Variants in ZNF438 observed in about 807,000 individuals in gnomAD.
ZNF438 encodes the protein zinc finger protein 438.
Under a neutral mutation model 38.0 loss-of-function variants are expected in ZNF438, and 25 were observed. The observed-to-expected ratio is 0.66, with a 90% CI of 0.48 to 0.92. ZNF438 has a LOEUF of 0.92. ZNF438 is among the 40% of genes least tolerant of loss of function. ZNF438 has a pLI of 0.00. For synonymous variants in ZNF438, 372 were observed against 364.1 expected, an observed-to-expected ratio of 1.02 and a Z score of -0.25; for missense variants, 1,007 against 999.6, an observed-to-expected ratio of 1.01 and a Z score of -0.10.
chr10:31,000,534 C>T (rs1245266968), intron 1 of ZNF438, among the ~76,000 whole-genome samples: 4 of 152,204 alleles, frequency 2.6e-5, no homozygotes, highest in Admixed American at 2.6e-4. Context: ...TTTCTGTTAT[C>T]ATGGCCCTGA....
chr10:30,921,425 A>G (rs2044286022), intron 2 of ZNF438, among the ~76,000 whole-genome samples: 1 of 152,116 alleles, frequency 6.6e-6, no homozygotes, highest in African/African-American at 2.4e-5. Flanking sequence ...CCTTTTCTTA[A>G]AAGTCTTTTA....
chr10:30,848,882 C>T, exon 5 of ZNF438: 1 of 1,614,246 alleles, frequency 6.2e-7, no homozygotes, highest in Non-Finnish European at 8.5e-7. Context: ...GACGTGACAT[C>T]TGTGCCAAGG....
intron 1 of ZNF438, among the ~76,000 whole-genome samples, chr10:31,003,232 C>T (rs1243639946): frequency 1.3e-5 from 2 of 152,098 alleles, no homozygotes; most frequent in African/African-American, 4.8e-5. Flanking sequence ...GCCTTCCAGC[C>T]CAAGATGATG....
intron 3 of ZNF438, among the ~76,000 whole-genome samples, chr10:30,883,713 A>G (rs929396599): frequency 2.0e-5 from 3 of 152,096 alleles, no homozygotes; most frequent in African/African-American, 7.2e-5. Flanking sequence ...TACAAAAAAT[A>G]CAAAAAACCC....
At chr10:30,869,537 C>G (rs1490395386) in intron 4 of ZNF438, among the ~76,000 whole-genome samples, 1 of 152,148 alleles carries the variant, frequency 6.6e-6, no homozygotes, top group Non-Finnish European at 1.5e-5. Context: ...TTAGGCCACC[C>G]AGGTCATTTC....
rs185911933 is a variant in ZNF438, at chr10:30,948,204, G to A, written c.-191-6553C>T. On this transcript the variant is annotated intron_variant, in intron 1 of 5. Coordinates refer to ENST00000413025, the Ensembl canonical transcript of ZNF438. ...GCTGAGGGGTCCTGTCTGTTAGAAG[G>A]AAAACTAACAAACAGAAAAGACATC... Among the ~76,000 whole-genome samples the A allele has an allele frequency of 2.7e-3, 408 of 152,264 alleles. 2 individuals are homozygous for A. Among genetic ancestry groups the A allele is most frequent in the Admixed American group, 8.0e-3 (123 of 15,298 alleles).
chr10:30,895,810 CATT>C (rs928396147), intron 3 of ZNF438, among the ~76,000 whole-genome samples: 3 of 152,086 alleles, frequency 2.0e-5, no homozygotes, highest in Non-Finnish European at 4.4e-5. Flanking sequence ...ACCTCACACT[CATT>C]AGGATGGCTA....
chr10:31,013,662 C>T (rs2055934208), intron 1 of ZNF438, among the ~76,000 whole-genome samples: 1 of 152,154 alleles, frequency 6.6e-6, no homozygotes, highest in Non-Finnish European at 1.5e-5. Flanking sequence ...CAAAGCTAAT[C>T]TGCAACTTAA....
chr10:30,909,770 G>A (rs1589144198), intron 2 of ZNF438, among the ~76,000 whole-genome samples: 1 of 152,272 alleles, frequency 6.6e-6, no homozygotes, highest in Admixed American at 6.5e-5. Context: ...TATGGCAAAG[G>A]TGTTTTAGAA....
chr10:30,850,323 A>C (rs772373129), exon 5 of ZNF438: 1 of 1,614,070 alleles, frequency 6.2e-7, no homozygotes, highest in African/African-American at 1.3e-5. Flanking sequence ...TTATTCTGCA[A>C]ACCTTTCCTA....
At chr10:30,873,307 T>A (rs7910792) in intron 4 of ZNF438, among the ~76,000 whole-genome samples, 1 of 152,034 alleles carries the variant, frequency 6.6e-6, no homozygotes, top group Non-Finnish European at 1.5e-5. Flanking sequence ...GTGACACTAG[T>A]TTATAATAGA....
At chr10:30,849,460 T>C in exon 5 of ZNF438, 1 of 1,614,232 alleles carries the variant, frequency 6.2e-7, no homozygotes, top group Non-Finnish European at 8.5e-7. Flanking sequence ...AAGAAAAACC[T>C]GCAATGTTAG....
At chr10:30,986,637 C>T (rs564312340) in intron 1 of ZNF438, among the ~76,000 whole-genome samples, 12 of 152,010 alleles carry the variant, frequency 7.9e-5, no homozygotes, top group Non-Finnish European at 7.4e-5. Context: ...GTTTTGAATT[C>T]AGAGTTTTTA....
At chr10:31,023,777 A>G (rs2056764856) in intron 1 of ZNF438, among the ~76,000 whole-genome samples, 1 of 152,190 alleles carries the variant, frequency 6.6e-6, no homozygotes. Context: ...CCAATCAGCA[A>G]CTGCCCCGCT....
chr10:31,015,197 T>G (rs939005964), intron 1 of ZNF438, among the ~76,000 whole-genome samples: 1 of 152,216 alleles, frequency 6.6e-6, no homozygotes, highest in South Asian at 2.1e-4. Context: ...GTCATTATCA[T>G]AGCTGTCTTT....
Position 30,864,953 on chromosome 10 carries a change from T to C in ZNF438, c.37+12045A>G, listed in dbSNP as rs116953464. Among the ~76,000 whole-genome samples the C allele has an allele frequency of 1.1e-3, 161 of 152,342 alleles. 2 individuals are homozygous for C. In the East Asian group the frequency reaches 0.027, roughly 25 times the overall value. ...GGTATTAACACCTCCAGTCCATAGA[T>C]GTGAAAACAACACTTCTTGCAAGAT... On this transcript the variant is annotated intron_variant, in intron 4 of 5. Coordinates refer to ENST00000413025, the Ensembl canonical transcript of ZNF438.
At chr10:30,942,513 T>C (rs1313475116) in intron 1 of ZNF438, among the ~76,000 whole-genome samples, 1 of 152,194 alleles carries the variant, frequency 6.6e-6, no homozygotes, top group Non-Finnish European at 1.5e-5. Flanking sequence ...AGAAGCAGAA[T>C]AACAGCCTAA....
chr10:30,849,248 T>G lies in ZNF438; in HGVS notation c.1157A>C (p.Lys386Thr), dbSNP rs138156580. The change falls in exon 5 of 6, where the codon AAA becomes ACA. Residue 386 changes from lysine to threonine, a missense_variant. By Grantham distance (78) the Lys-to-Thr change is moderately conservative. Coordinates refer to ENST00000413025, the Ensembl canonical transcript of ZNF438. ...CAAAATTTCATCTGGTACCTTCCGT[T>G]TTCTTCCTTTTCTCTTTGCTGCTCC... 3.7e-6 allele frequency: 6 copies of G among 1,614,218 alleles called. No individual in the cohort carries two copies. The Admixed American group carries it at 1.0e-4, about 27-fold the overall frequency.
chr10:31,029,091 A>T (rs2133433967), intron 1 of ZNF438, among the ~76,000 whole-genome samples: 2 of 152,316 alleles, frequency 1.3e-5, no homozygotes, highest in Admixed American at 1.3e-4. Flanking sequence ...GGTTACAGGG[A>T]TTCAATGCAT....
Sources: allele counts gnomAD v4.1 joint callset (sites outside exome capture counted in the v4.1 genomes callset), GRCh38; gene constraint gnomAD v4.1.1; transcripts MANE v1.5; gene names NCBI Gene and HGNC (gene_info 2026-07-23, HGNC 2026-07-21).